ESR1: variants seen among roughly 807,000 people sequenced by gnomAD.
The protein encoded by ESR1 is estrogen receptor 1.
Under a neutral mutation model 52.7 loss-of-function variants are expected in ESR1, and 12 were observed. The observed-to-expected ratio is 0.23, with a 90% CI of 0.15 to 0.37. ESR1 has a LOEUF of 0.37. Among genes scored for constraint, ESR1 ranks in the 10% least tolerant of loss-of-function variants. ESR1 has a pLI of 1.00. For synonymous variants in ESR1, 305 were observed against 316.8 expected (o/e 0.96, Z 0.39); for missense variants, 584 against 779.7 (o/e 0.75, Z 2.99).
At chr6:151,709,604 C>A (rs1428528597) in intron 2 of ESR1, among the ~76,000 whole-genome samples, 1 of 152,166 alleles carries the variant, frequency 6.6e-6, no homozygotes, top group African/African-American at 2.4e-5. Flanking sequence ...TCTCTTTACT[C>A]CGCATCCTTG....
chr6:151,821,923 C>T (rs1383765839), intron 1 of ESR1, among the ~76,000 whole-genome samples: 1 of 152,074 alleles, frequency 6.6e-6, no homozygotes. Flanking sequence ...TTGATGGACC[C>T]ATATGTCGGA....
At position 152,102,709 on chromosome 6, in the gene ESR1, G is replaced by C. The variant is rs1293057347; in HGVS notation, c.*3743G>C. 4.6e-6 allele frequency: 1 copy of C among 219,134 alleles called. No homozygotes were observed. Among genetic ancestry groups the C allele is most frequent in the Non-Finnish European group, 9.2e-6 (1 of 109,052 alleles). The allele number at this position is 219,134 out of a possible 1,614,324, so 13.6% of individuals were successfully genotyped here. On this transcript the variant is annotated 3_prime_UTR_variant, in exon 8 of 8. Coordinates refer to ENST00000206249, the MANE Select transcript of ESR1 (RefSeq NM_000125.4). ...TAAAATTGTTTTCTAAGTAATTGCTGCCTCTATTATGGCACTTCAATTTTG... is the reference window on the plus strand; with the variant it reads ...TAAAATTGTTTTCTAAGTAATTGCTCCCTCTATTATGGCACTTCAATTTTG...
At chr6:152,018,768 C>T (rs1260849466) in intron 5 of ESR1, among the ~76,000 whole-genome samples, 1 of 151,846 alleles carries the variant, frequency 6.6e-6, no homozygotes, top group East Asian at 1.9e-4. Flanking sequence ...CTCTTGTCTC[C>T]ATTCATACCT....
chr6:151,732,973 G>A (rs924921906), intron 2 of ESR1, among the ~76,000 whole-genome samples: 7 of 152,150 alleles, frequency 4.6e-5, no homozygotes, highest in East Asian at 1.9e-4. Flanking sequence ...TCTCACCACC[G>A]TCATTCTTTG....
At chr6:151,811,683 C>T (rs1000127290) in intron 1 of ESR1, among the ~76,000 whole-genome samples, 4 of 152,114 alleles carry the variant, frequency 2.6e-5, no homozygotes, top group Admixed American at 2.6e-4. Context: ...ATACATTTTT[C>T]CTTTTACTTA....
intron 2 of ESR1, among the ~76,000 whole-genome samples, chr6:151,734,831 A>C (rs1782524235): frequency 6.6e-6 from 1 of 152,090 alleles, no homozygotes; most frequent in Non-Finnish European, 1.5e-5. Flanking sequence ...CATGTTGGCC[A>C]GGCTAGTCTG....
rs1270254009 is a variant in ESR1 at position 152,061,049 on chromosome 6, T to A, written c.1294T>A (p.Ser432Thr). ...GATCTTCGACATGCTGCTGGCTACA[T>A]CATCTCGGTTCCGCATGATGAATCT... ...VEIFDMLLATSSRFRMMNLQG... is the reference protein window; with the variant it reads ...VEIFDMLLATTSRFRMMNLQG... The change falls in exon 6 of 8, where the codon TCA becomes ACA. Residue 432 changes from serine to threonine, a missense_variant. This residue lies in a region of ESR1 where 141 missense variants were observed against 289.3 expected (regional missense o/e 0.49). Coordinates refer to ENST00000206249, the MANE Select transcript of ESR1 (RefSeq NM_000125.4). This position sits in a 1 kb window ranked among gnomAD's most constrained non-coding sequence, Gnocchi z 4.3. 1 of 1,613,230 alleles carries A rather than the reference T, an allele frequency of 6.2e-7. No homozygotes were observed. Among genetic ancestry groups the A allele is most frequent in the Non-Finnish European group, 8.5e-7 (1 of 1,179,480 alleles).
chr6:151,934,476 A>C (rs1292734645), intron 3 of ESR1, among the ~76,000 whole-genome samples: 2 of 152,230 alleles, frequency 1.3e-5, no homozygotes, highest in African/African-American at 2.4e-5. Flanking sequence ...TTCAAAGTGT[A>C]TGAGCATGTG....
At position 151,857,524 on chromosome 6, in the gene ESR1, CT is replaced by C. The variant is rs533213593; in HGVS notation, c.643+14745del. Among the ~76,000 whole-genome samples the C allele has an allele frequency of 3.0e-4, 46 of 151,348 alleles. 1 individual carries two copies. Among genetic ancestry groups the C allele is most frequent in the South Asian group, 1.0e-3 (5 of 4,764 alleles). On this transcript the variant is annotated intron_variant, in intron 2 of 7. Transcript: ENST00000206249. ...ACACACACACACCAATGTGTATATA[CT>C]TTTTTTTCTTTTTTTTAATTCGAGA...
intron 2 of ESR1, among the ~76,000 whole-genome samples, chr6:151,765,156 TG>T (rs534442337): frequency 2.4e-4 from 36 of 152,264 alleles, no homozygotes; most frequent in Non-Finnish European, 4.1e-4. Context: ...CTTTTGGCTT[TG>T]TACTAAACAT....
chr6:151,919,905 C>CATGTAT (rs1333648195), intron 3 of ESR1, among the ~76,000 whole-genome samples: 1 of 152,080 alleles, frequency 6.6e-6, no homozygotes, highest in Non-Finnish European at 1.5e-5. Context: ...TGTATATGTA[C>CATGTAT]ATGTATATGT....
intron 2 of ESR1, among the ~76,000 whole-genome samples, chr6:151,732,534 TTGTGTG>T (rs3036504): frequency 1.3e-5 from 2 of 148,768 alleles, no homozygotes; most frequent in Non-Finnish European, 3.0e-5. Flanking sequence ...GTGTGTGTGT[TTGTGTG>T]TGTGTGTGTG....
chr6:151,828,727 A>G (rs1036680914), intron 1 of ESR1, among the ~76,000 whole-genome samples: 1 of 152,202 alleles, frequency 6.6e-6, no homozygotes, highest in African/African-American at 2.4e-5. Context: ...TTGGTAGGGC[A>G]TATCACACAC....
At chr6:151,871,276 A>G (rs1790913262) in intron 2 of ESR1, among the ~76,000 whole-genome samples, 1 of 152,106 alleles carries the variant, frequency 6.6e-6, no homozygotes, top group East Asian at 1.9e-4. Flanking sequence ...GTGATAAGAT[A>G]TACATAATAT....
At chr6:151,825,031 T>C (rs1781255292) in intron 1 of ESR1, among the ~76,000 whole-genome samples, 1 of 152,208 alleles carries the variant, frequency 6.6e-6, no homozygotes, top group South Asian at 2.1e-4. Flanking sequence ...CTTTTTTGTC[T>C]TGGGGAAATT....
At chr6:152,034,053 ACAC>A (rs2045022324) in intron 5 of ESR1, among the ~76,000 whole-genome samples, 1 of 150,802 alleles carries the variant, frequency 6.6e-6, no homozygotes, top group South Asian at 2.1e-4. Flanking sequence ...AAAAAACCAA[ACAC>A]CACATGTTCT....
At chr6:151,747,709 A>G (rs1783586290) in intron 2 of ESR1, among the ~76,000 whole-genome samples, 2 of 152,230 alleles carry the variant, frequency 1.3e-5, no homozygotes, top group South Asian at 2.1e-4. Context: ...AATTTTGAAC[A>G]TTTTATATAA....
intron 1 of ESR1, among the ~76,000 whole-genome samples, chr6:151,699,931 G>A (rs967047256): frequency 2.0e-5 from 3 of 152,142 alleles, no homozygotes; most frequent in Admixed American, 6.5e-5. Flanking sequence ...GAAAGTCACC[G>A]TGGAGGGAAA....
intron 2 of ESR1, among the ~76,000 whole-genome samples, chr6:151,773,496 A>T (rs1785687930): frequency 6.6e-6 from 1 of 152,216 alleles, no homozygotes; most frequent in African/African-American, 2.4e-5. Context: ...CATTCCTTCT[A>T]TAGAAAGCTG....
Sources: allele counts gnomAD v4.1 joint callset (sites outside exome capture counted in the v4.1 genomes callset), GRCh38; gene constraint gnomAD v4.1.1; regional missense constraint gnomAD v4.1.1; non-coding constraint Gnocchi (gnomAD v3.1); transcripts MANE v1.5; gene names NCBI Gene and HGNC (gene_info 2026-07-23, HGNC 2026-07-21).